Variants in GPC5 observed in about 807,000 individuals in gnomAD.
The protein encoded by GPC5 is glypican-5.
GPC5 carries 47 observed loss-of-function variants against 53.9 expected under a neutral mutation model. The ratio of observed to expected loss-of-function variants is 0.87; its 90% CI spans 0.69 to 1.11. The LOEUF (loss-of-function observed/expected upper bound fraction) is 1.11. Among genes scored for constraint, GPC5 ranks in the 50% most tolerant of loss-of-function variants. GPC5 has a pLI of 0.00. For missense variants in GPC5, 748 were observed against 713.1 expected, an observed-to-expected ratio of 1.05 and a Z score of -0.56; for synonymous variants, 286 against 263.3, an observed-to-expected ratio of 1.09 and a Z score of -0.84.
intron 6 of GPC5, among the ~76,000 whole-genome samples, chr13:92,033,778 G>A (rs2040871870): frequency 6.6e-6 from 1 of 152,062 alleles, no homozygotes; most frequent in Non-Finnish European, 1.5e-5. Context: ...CTTGATATAG[G>A]GCGGAGTCTG....
chr13:92,551,219 A>G (rs945309781), intron 7 of GPC5, among the ~76,000 whole-genome samples: 1 of 151,734 alleles, frequency 6.6e-6, no homozygotes, highest in Non-Finnish European at 1.5e-5. Context: ...TGATAGTTTA[A>G]GATTTTTTTG....
At chr13:92,392,396 T>C (rs770975004) in intron 7 of GPC5, among the ~76,000 whole-genome samples, 1 of 151,952 alleles carries the variant, frequency 6.6e-6, no homozygotes, top group Non-Finnish European at 1.5e-5. Flanking sequence ...TACACAAAAA[T>C]CAACTCAAGA....
chr13:92,455,587 A>G (rs1878232664), intron 7 of GPC5, among the ~76,000 whole-genome samples: 1 of 152,230 alleles, frequency 6.6e-6, no homozygotes, highest in Non-Finnish European at 1.5e-5. Flanking sequence ...AGGAAAGATG[A>G]CACATGACTA....
chr13:92,584,020 CCT>C (rs1405844538), intron 7 of GPC5, among the ~76,000 whole-genome samples: 1 of 152,148 alleles, frequency 6.6e-6, no homozygotes, highest in Non-Finnish European at 1.5e-5. Flanking sequence ...TCCAATGAAA[CCT>C]CTTTCTTTTG....
At chr13:91,570,910 C>A (rs72641434) in intron 2 of GPC5, among the ~76,000 whole-genome samples, 9,142 of 152,218 alleles carry the variant, frequency 0.06, 354 homozygotes, top group Non-Finnish European at 0.085. Flanking sequence ...TAGAAAAGTA[C>A]ATAACTCTTT....
intron 7 of GPC5, among the ~76,000 whole-genome samples, chr13:92,762,743 T>C (rs1875236776): frequency 1.3e-5 from 2 of 152,174 alleles, no homozygotes; most frequent in Admixed American, 6.5e-5. Flanking sequence ...ATAAGTTTCA[T>C]AGTTTGTCTT....
intron 7 of GPC5, among the ~76,000 whole-genome samples, chr13:92,175,974 G>A (rs1242448146): frequency 6.6e-6 from 1 of 152,154 alleles, no homozygotes; most frequent in Admixed American, 6.5e-5. Flanking sequence ...GACTCTGTAT[G>A]TTTGTTTCCA....
At chr13:91,572,734 A>G (rs2031981778) in intron 2 of GPC5, among the ~76,000 whole-genome samples, 1 of 152,216 alleles carries the variant, frequency 6.6e-6, no homozygotes, top group Non-Finnish European at 1.5e-5. Context: ...TCAACATGAG[A>G]TTTGGAGTGG....
intron 6 of GPC5, among the ~76,000 whole-genome samples, chr13:91,914,717 G>T (rs1274713492): frequency 1.3e-5 from 2 of 151,292 alleles, no homozygotes; most frequent in Admixed American, 6.6e-5. Flanking sequence ...CCTGAGAAAA[G>T]GTTCTAATTT....
At chr13:91,721,085 C>A (rs2036456337) in intron 3 of GPC5, among the ~76,000 whole-genome samples, 1 of 38,976 alleles carries the variant, frequency 2.6e-5, no homozygotes. Flanking sequence ...TTCTTTCTTT[C>A]TTTCTTTCTT....
chr13:92,740,233 A>G (rs1377873641), intron 7 of GPC5, among the ~76,000 whole-genome samples: 1 of 151,970 alleles, frequency 6.6e-6, no homozygotes, highest in Admixed American at 6.6e-5. Context: ...ATCAAATATC[A>G]CCTTATTAGT....
chr13:92,768,720 C>A (rs1015655182), intron 7 of GPC5, among the ~76,000 whole-genome samples: 29 of 151,808 alleles, frequency 1.9e-4, no homozygotes, highest in Admixed American at 1.5e-3. Context: ...TGACTCTCTT[C>A]CCCCTGTCTT....
chr13:92,160,911 T>C (rs910351858), intron 7 of GPC5, among the ~76,000 whole-genome samples: 15 of 152,336 alleles, frequency 9.8e-5, no homozygotes, highest in African/African-American at 3.6e-4. Context: ...TTGAATTAAC[T>C]CTGTAGGATA....
At position 92,584,879 on chromosome 13, in the gene GPC5, G is replaced by A. The variant is rs559675728; in HGVS notation, c.1562-281403G>A. Among the ~76,000 whole-genome samples, 24 of 152,232 alleles carry A rather than the reference G, an allele frequency of 1.6e-4. No individual in the cohort carries two copies. In the South Asian group the frequency reaches 1.7e-3, roughly 11 times the overall value. On this transcript the variant is annotated intron_variant, in intron 7 of 7. Transcript: ENST00000377067. ...CTGTTGCTTCAGAAGGTGGAAGCCCGAAGCCTTGGCAGCTTCCACATGGTG... is the reference window on the plus strand; with the variant it reads ...CTGTTGCTTCAGAAGGTGGAAGCCCAAAGCCTTGGCAGCTTCCACATGGTG...
intron 7 of GPC5, among the ~76,000 whole-genome samples, chr13:92,806,249 T>C (rs1324149255): frequency 6.6e-6 from 1 of 152,088 alleles, no homozygotes; most frequent in Admixed American, 6.6e-5. Flanking sequence ...TTCAAACTTT[T>C]CTTCCAAAAC....
intron 7 of GPC5, among the ~76,000 whole-genome samples, chr13:92,722,614 A>G (rs185639409): frequency 7.9e-5 from 12 of 151,910 alleles, no homozygotes; most frequent in African/African-American, 2.9e-4. Flanking sequence ...TAAAAATTTT[A>G]TTCTTTGCAA....
intron 3 of GPC5, among the ~76,000 whole-genome samples, chr13:91,710,651 G>T (rs2036204716): frequency 6.6e-6 from 1 of 152,112 alleles, no homozygotes; most frequent in Non-Finnish European, 1.5e-5. Flanking sequence ...TCCACTGCAT[G>T]TACTGTCTGG....
chr13:92,061,516 A>G (rs777391906), intron 6 of GPC5, among the ~76,000 whole-genome samples: 10 of 152,084 alleles, frequency 6.6e-5, no homozygotes, highest in Admixed American at 1.3e-4. Flanking sequence ...ATGAAAAAGT[A>G]ATGCCGTTTC....
chr13:92,352,572 T>C (rs2043488128), intron 7 of GPC5, among the ~76,000 whole-genome samples: 2 of 152,070 alleles, frequency 1.3e-5, no homozygotes, highest in African/African-American at 4.8e-5. Flanking sequence ...TTTGCAGAAA[T>C]AAAAACACAT....
Sources: allele counts gnomAD v4.1 joint callset (sites outside exome capture counted in the v4.1 genomes callset), GRCh38; gene constraint gnomAD v4.1.1; transcripts MANE v1.5; gene names NCBI Gene and HGNC (gene_info 2026-07-23, HGNC 2026-07-21).